Variants in SGCD observed in about 807,000 individuals in gnomAD.
SGCD encodes the protein delta-sarcoglycan.
SGCD carries 18 observed loss-of-function variants against 36.6 expected under a neutral mutation model. The ratio of observed to expected loss-of-function variants is 0.49; its 90% CI spans 0.34 to 0.73. The LOEUF is 0.73. Ranked by LOEUF, SGCD falls within the 30% of genes least tolerant of loss-of-function variation. The pLI, the probability that SGCD is intolerant of heterozygous loss-of-function variation, is 0.01. For synonymous variants in SGCD, 133 were observed against 130.6 expected (o/e 1.02, Z -0.12); for missense variants, 387 against 346.7 (o/e 1.12, Z -0.92).
chr5:156,671,518 C>T (rs1753293892), intron 7 of SGCD, among the ~76,000 whole-genome samples: 1 of 152,086 alleles, frequency 6.6e-6, no homozygotes, highest in Admixed American at 6.6e-5. Flanking sequence ...AGGTGATCCA[C>T]CCACCTCGGC....
chr5:156,224,940 C>A (rs447817), intron 3 of SGCD, among the ~76,000 whole-genome samples: 25,327 of 152,062 alleles, frequency 0.17, 2,684 homozygotes, highest in Admixed American at 0.22. Context: ...TTGAGTGAGG[C>A]TGTTTTAAGA....
chr5:156,171,069 A>G (rs1231367282), intron 3 of SGCD, among the ~76,000 whole-genome samples: 1 of 152,160 alleles, frequency 6.6e-6, no homozygotes, highest in Non-Finnish European at 1.5e-5. Context: ...TTCTCACATT[A>G]AAAGTTGTGT....
At chr5:156,480,782 C>G (rs1755389647) in intron 3 of SGCD, among the ~76,000 whole-genome samples, 1 of 152,174 alleles carries the variant, frequency 6.6e-6, no homozygotes, top group Admixed American at 6.5e-5. Context: ...TTTAATTTCT[C>G]TAGAAAACTC....
At chr5:156,751,558 C>T (rs889394492) in intron 7 of SGCD, among the ~76,000 whole-genome samples, 4 of 151,994 alleles carry the variant, frequency 2.6e-5, no homozygotes, top group South Asian at 2.1e-4. Flanking sequence ...ATACATAGAA[C>T]GGCTGAATAT....
At chr5:156,171,274 C>T (rs1046847332) in intron 3 of SGCD, among the ~76,000 whole-genome samples, 2 of 152,198 alleles carry the variant, frequency 1.3e-5, no homozygotes, top group South Asian at 2.1e-4. Context: ...TCACTGAGGA[C>T]TTGGTTAACG....
At chr5:155,841,010 C>CAAAAAAAAAAAAAA in the SGCD span, among the ~76,000 whole-genome samples, 1 of 61,082 alleles carries the variant, frequency 1.6e-5, no homozygotes. Flanking sequence ...GACTCCATCT[C>CAAAAAAAAAAAAAA]AAAAAAAAAA....
intron 3 of SGCD, among the ~76,000 whole-genome samples, chr5:156,204,473 T>TACACACAC (rs58745098): frequency 1.1e-4 from 16 of 147,404 alleles, no homozygotes; most frequent in African/African-American, 3.5e-4. Context: ...AACACACTCA[T>TACACACAC]ACACACACAC....
intron 4 of SGCD, among the ~76,000 whole-genome samples, chr5:156,536,401 T>C (rs1286650950): frequency 6.6e-6 from 1 of 152,182 alleles, no homozygotes; most frequent in Non-Finnish European, 1.5e-5. Flanking sequence ...CAGCCCCCAT[T>C]GTGAACTCTT....
chr5:156,539,950 A>AT (rs1758285606), intron 4 of SGCD, among the ~76,000 whole-genome samples: 2 of 152,184 alleles, frequency 1.3e-5, no homozygotes, highest in South Asian at 4.1e-4. Context: ...ATATGTGAAT[A>AT]CGAGTTCATG....
chr5:156,702,154 T>G lies in SGCD; in HGVS notation c.575+54618T>G, dbSNP rs79288587. Among the ~76,000 whole-genome samples the G allele has an allele frequency of 2.0e-5, 3 of 152,330 alleles. No individual in the cohort carries two copies. The South Asian group carries it at 6.2e-4, about 32-fold the overall frequency. Reference sequence around the variant, plus strand: ...CCTTCTCTGGGTCTATATGCATTTATGCTGGTATTACAGGATGCAATTGAT... The same window carrying G: ...CCTTCTCTGGGTCTATATGCATTTAGGCTGGTATTACAGGATGCAATTGAT... On this transcript the variant is annotated intron_variant, in intron 7 of 8. Coordinates refer to ENST00000337851, the MANE Select transcript of SGCD (RefSeq NM_000337.6).
intron 4 of SGCD, among the ~76,000 whole-genome samples, chr5:156,551,099 G>A (rs1758774706): frequency 6.6e-6 from 1 of 151,990 alleles, no homozygotes; most frequent in Non-Finnish European, 1.5e-5. Context: ...CAGCTCTTTA[G>A]CCCTTGCCCC....
intron 2 of SGCD, among the ~76,000 whole-genome samples, chr5:156,335,437 G>C (rs936844560): frequency 1.1e-4 from 17 of 152,144 alleles, no homozygotes; most frequent in African/African-American, 3.4e-4. Flanking sequence ...CTATGTCTAT[G>C]GCTTTCAATA....
intron 3 of SGCD, among the ~76,000 whole-genome samples, chr5:156,170,184 C>T (rs183380904): frequency 6.6e-6 from 1 of 152,080 alleles, no homozygotes; most frequent in Non-Finnish European, 1.5e-5. Context: ...GAGAGGTAAT[C>T]TACAAGAAAA....
At chr5:156,186,357 GC>G (rs1561555939) in intron 3 of SGCD, among the ~76,000 whole-genome samples, 1 of 152,088 alleles carries the variant, frequency 6.6e-6, no homozygotes, top group Non-Finnish European at 1.5e-5. Context: ...TACTGTTGTT[GC>G]CATATGGTCT....
intron 3 of SGCD, among the ~76,000 whole-genome samples, chr5:156,255,275 C>A (rs2127662766): frequency 6.6e-6 from 1 of 152,102 alleles, no homozygotes; most frequent in Middle Eastern, 3.4e-3. Flanking sequence ...CGATATAAAC[C>A]CAATTTTATC....
rs145118584 is a variant in SGCD at position 155,951,143 on chromosome 5, A to T, written c.-282+80719A>T. ...CATTTTAGCATGATGAATTTGACAC[A>T]GCTGTGTCAAATGCTGCACCATAAA... On this transcript the variant is annotated intron_variant, in intron 1 of 9. Transcript: ENST00000517913. Among the ~76,000 whole-genome samples, 504 of 152,300 alleles carry T rather than the reference A, an allele frequency of 3.3e-3. 4 individuals carry two copies. The highest frequency in any genetic ancestry group is 0.011 in the African/African-American group (473 of 41,566).
At chr5:156,151,218 C>G (rs1417136269) in intron 3 of SGCD, among the ~76,000 whole-genome samples, 14 of 151,718 alleles carry the variant, frequency 9.2e-5, no homozygotes, top group Non-Finnish European at 1.5e-5. Flanking sequence ...ACATGAAGAC[C>G]TAGAAAGGAA....
At chr5:156,184,852 C>G (rs1763696783) in intron 3 of SGCD, among the ~76,000 whole-genome samples, 1 of 152,102 alleles carries the variant, frequency 6.6e-6, no homozygotes, top group East Asian at 1.9e-4. Context: ...ACTAAATAAC[C>G]CAGTGCTGCC....
At chr5:155,763,340 T>A in the SGCD span, among the ~76,000 whole-genome samples, 4 of 152,140 alleles carry the variant, frequency 2.6e-5, no homozygotes, top group Admixed American at 2.0e-4. Flanking sequence ...GAGTACCAAT[T>A]GAAGAATAAA....
Sources: gnomAD v4.1 joint callset for allele counts (sites outside exome capture counted in the v4.1 genomes callset) on GRCh38, gnomAD v4.1.1 for gene constraint, MANE v1.5 for transcripts, NCBI Gene and HGNC (gene_info 2026-07-23, HGNC 2026-07-21) for gene names.